Variants in MORN1 observed in about 807,000 individuals in gnomAD.
MORN1 encodes the protein MORN repeat-containing protein 1.
A neutral mutation model predicts 61.9 loss-of-function variants in MORN1; 67 were observed. That is an observed-to-expected ratio of 1.08 (90% CI 0.89 to 1.33). The LOEUF (loss-of-function observed/expected upper bound fraction) is 1.33. Among genes scored for constraint, MORN1 ranks in the 40% most tolerant of loss-of-function variants. The pLI is 0.00. For synonymous variants in MORN1, 301 were observed against 292.0 expected (o/e 1.03, Z -0.31); for missense variants, 752 against 691.2 (o/e 1.09, Z -0.99).
At chr1:2,331,889 T>C (rs1356797511) in intron 12 of MORN1, among the ~76,000 whole-genome samples, 1 of 100,202 alleles carries the variant, frequency 1.0e-5, no homozygotes, top group African/African-American at 4.1e-5. Flanking sequence ...CTCCCGCCCC[T>C]GCGCCTCTCC....
In MORN1 at chr1:2,334,416, C is replaced by T. The variant is rs1641221702; in HGVS notation, c.1250+2053G>A. On this transcript the variant is annotated intron_variant, in intron 12 of 13. Transcript: ENST00000378531. The surrounding 1 kb of genome is among the most constrained non-coding windows in gnomAD (Gnocchi z 5.4). ...CAGCCCTTCACCTCCATGCTGGGTT[C>T]TCAACCCAGGAGCGGGCAGAGCTTA... Among the ~76,000 whole-genome samples the T allele has an allele frequency of 6.6e-6, 1 of 152,214 alleles. No individual in the cohort carries two copies.
At chr1:2,322,563 A>G in intron 13 of MORN1, 1 of 985,232 alleles carries the variant, frequency 1.0e-6, no homozygotes, top group African/African-American at 1.7e-5. Context: ...TTAGAAAAAA[A>G]AAAACACGGT....
chr1:2,382,212 G>A (rs1477676633), intron 6 of MORN1, among the ~76,000 whole-genome samples: 4 of 152,128 alleles, frequency 2.6e-5, no homozygotes, highest in Non-Finnish European at 4.4e-5. Context: ...GGCAGCAGGC[G>A]GCACCTCTGT....
intron 12 of MORN1, chr1:2,332,510 A>G: frequency 4.7e-6 from 2 of 427,166 alleles, no homozygotes; most frequent in South Asian, 1.6e-5. Flanking sequence ...CTTGACATCG[A>G]CCCCACGCAG....
intron 10 of MORN1, chr1:2,352,174 A>C: frequency 3.4e-6 from 1 of 292,892 alleles, no homozygotes; most frequent in Non-Finnish European, 6.5e-6. Flanking sequence ...CTAATAATAA[A>C]TGTATAGAGC....
At chr1:2,390,697 G>T (rs1019141284) in intron 1 of MORN1, 3 of 985,112 alleles carry the variant, frequency 3.0e-6, no homozygotes, top group Non-Finnish European at 3.6e-6. Context: ...TTAGCTCTGA[G>T]TTCATTCCAG....
chr1:2,324,284 G>A (rs1640949409), intron 12 of MORN1, 141 bp from the exon 13 acceptor site: 2 of 817,838 alleles, frequency 2.4e-6, no homozygotes, highest in African/African-American at 3.4e-5. Flanking sequence ...CCCACCTCGG[G>A]GCCATGGGCA....
At chr1:2,324,823 G>A (rs1021437867) in intron 12 of MORN1, among the ~76,000 whole-genome samples, 7 of 152,088 alleles carry the variant, frequency 4.6e-5, no homozygotes, top group Non-Finnish European at 1.0e-4. Context: ...CAAGTGATGG[G>A]CCTGTTCCTC....
chr1:2,361,622 T>A (rs1641892239), intron 8 of MORN1, among the ~76,000 whole-genome samples: 1 of 152,014 alleles, frequency 6.6e-6, no homozygotes, highest in Admixed American at 6.6e-5. Context: ...AGATGAAAAT[T>A]ATAATGTATG....
At chr1:2,342,153 G>A (rs573556607) in intron 10 of MORN1, among the ~76,000 whole-genome samples, 23 of 152,400 alleles carry the variant, frequency 1.5e-4, no homozygotes, top group Admixed American at 9.1e-4. Flanking sequence ...CTCGGGAACC[G>A]AGAGGCTGAG....
intron 12 of MORN1, chr1:2,332,452 T>G: frequency 2.8e-6 from 1 of 363,226 alleles, no homozygotes; most frequent in Non-Finnish European, 5.5e-6. Flanking sequence ...GGGCGACCCC[T>G]GGCCCCGGAC....
intron 6 of MORN1, among the ~76,000 whole-genome samples, chr1:2,384,543 C>A (rs992896668): frequency 3.9e-5 from 6 of 152,368 alleles, no homozygotes; most frequent in Admixed American, 3.9e-4. Flanking sequence ...ACGGTAAGGG[C>A]ATCTCCTCTC....
intron 12 of MORN1, among the ~76,000 whole-genome samples, chr1:2,329,901 G>A (rs919008292): frequency 2.6e-5 from 4 of 152,210 alleles, no homozygotes; most frequent in Non-Finnish European, 5.9e-5. Context: ...GGACAGGCTG[G>A]GCTGCTGGGC....
chr1:2,373,846 C>T (rs1642177249), intron 7 of MORN1, among the ~76,000 whole-genome samples: 1 of 152,218 alleles, frequency 6.6e-6, no homozygotes, highest in South Asian at 2.1e-4. Flanking sequence ...GTCTTGGTCC[C>T]CCAAGGTCCT....
At chr1:2,370,674 CTTT>C (rs34105463) in intron 8 of MORN1, among the ~76,000 whole-genome samples, 148 of 142,698 alleles carry the variant, frequency 1.0e-3, no homozygotes, top group Admixed American at 1.4e-3. Flanking sequence ...TTTTTTTCTT[CTTT>C]TTTTTTTTTT....
intron 4 of MORN1, 131 bp from the exon 5 acceptor site, chr1:2,386,028 CCCCAGGAA>C: frequency 2.7e-6 from 2 of 733,214 alleles, no homozygotes; most frequent in Non-Finnish European, 4.8e-6. Flanking sequence ...GCTCAGGGCC[CCCCAGGAA>C]CATGACAGAC....
chr1:2,369,081 G>A (rs1642058955), intron 8 of MORN1, among the ~76,000 whole-genome samples: 1 of 151,288 alleles, frequency 6.6e-6, no homozygotes, highest in Admixed American at 6.6e-5. Context: ...GCGGGGGGCA[G>A]TGGCTGATGC....
intron 13 of MORN1, chr1:2,322,448 C>T (rs995201557): frequency 7.1e-6 from 7 of 985,218 alleles, no homozygotes; most frequent in African/African-American, 1.7e-5. Context: ...AGAGCGGCGG[C>T]CTCCTCGGCC....
At chr1:2,324,713 C>T (rs746682056) in intron 12 of MORN1, among the ~76,000 whole-genome samples, 30 of 152,268 alleles carry the variant, frequency 2.0e-4, no homozygotes, top group Non-Finnish European at 2.1e-4. Context: ...GGGGCCTCCC[C>T]GTGGAGACAC....
Sources: gnomAD v4.1 joint callset for allele counts (sites outside exome capture counted in the v4.1 genomes callset) on GRCh38, gnomAD v4.1.1 for gene constraint, Gnocchi (gnomAD v3.1) non-coding constraint, MANE v1.5 for transcripts, NCBI Gene and HGNC (gene_info 2026-07-23, HGNC 2026-07-21) for gene names.